MRE11: variants seen among roughly 807,000 people sequenced by gnomAD.
MRE11 encodes the protein MRE11 double strand break repair nuclease, also known as double-strand break repair protein MRE11.
MRE11 carries 62 observed loss-of-function variants against 91.7 expected under a neutral mutation model. The observed-to-expected ratio is 0.68, with a 90% CI of 0.55 to 0.84. The LOEUF is 0.84. Ranked by LOEUF, MRE11 falls within the 40% of genes least tolerant of loss-of-function variation. The probability of loss-of-function intolerance (pLI) is 0.00; values close to 1 mark genes in which losing one functional copy is unlikely to be tolerated. For synonymous variants in MRE11, 273 were observed against 271.4 expected (o/e 1.01, Z -0.06); for missense variants, 796 against 852.9 (o/e 0.93, Z 0.83).
chr11:94,492,789 C>T lies in MRE11; in HGVS notation c.13G>A (p.Asp5Asn). Residue 5 changes from aspartate (D) to asparagine (N), a missense_variant, in exon 2 of 20, where the codon GAT becomes AAT. By Grantham distance (23) the Asp-to-Asn change is conservative. Coordinates refer to ENST00000323929, the MANE Select transcript of MRE11 (RefSeq NM_005591.4). MSTADALDDENTFKI... is the reference protein window; with the variant it reads MSTANALDDENTFKI... ...CAGAAGTCAGGTGCTTACAGTGCAT[C>T]TGCAGTACTCATTTTTATGGTCAGT... 6.2e-7 allele frequency: 1 copy of T among 1,613,962 alleles called. No individual in the cohort carries two copies. Among genetic ancestry groups the T allele is most frequent in the Middle Eastern group, 1.7e-4 (1 of 5,956 alleles).
chr11:94,491,064 T>C (rs1947272586), intron 2 of MRE11, 99 bp from the exon 3 acceptor site: 1 of 785,884 alleles, frequency 1.3e-6, no homozygotes. Flanking sequence ...ATAACAGTTA[T>C]AGAGTAAAAT....
chr11:94,419,219 G>A lies in MRE11; in HGVS notation c.*906C>T, dbSNP rs1360540488. 1 of 232,806 alleles carries A rather than the reference G, an allele frequency of 4.3e-6. No homozygotes were observed. The highest frequency in any genetic ancestry group is 8.5e-6 in the Non-Finnish European group (1 of 117,884). The allele number at this position is 232,806 out of a possible 1,614,324, so 14.4% of individuals were successfully genotyped here. On this transcript the variant is annotated 3_prime_UTR_variant, in exon 20 of 20. Transcript: ENST00000323929. Reference sequence around the variant, plus strand: ...TTGCCCATTCAGAAATGTATCACAGGAACCAAAGTTGAGATAAAATATTGT... The same window carrying A: ...TTGCCCATTCAGAAATGTATCACAGAAACCAAAGTTGAGATAAAATATTGT...
At chr11:94,464,282 T>A (rs754682720) in intron 10 of MRE11, 43 bp from the exon 11 acceptor site, 1 of 1,612,824 alleles carries the variant, frequency 6.2e-7, no homozygotes, top group Non-Finnish European at 8.5e-7. Context: ...AAACAACAAT[T>A]TGCCAATTTT....
the MRE11 span, among the ~76,000 whole-genome samples, chr11:94,502,073 T>C: frequency 6.6e-6 from 1 of 152,216 alleles, no homozygotes; most frequent in African/African-American, 2.4e-5. Context: ...AGCTAACAAC[T>C]GAGTGCTCAC....
chr11:94,501,057 T>C, the MRE11 span, among the ~76,000 whole-genome samples: 1 of 152,214 alleles, frequency 6.6e-6, no homozygotes, highest in Non-Finnish European at 1.5e-5. Context: ...CATAAGATGC[T>C]CCAGTCCATC....
At chr11:94,467,746 C>G in intron 10 of MRE11, 67 bp downstream of exon 10, 5 of 1,369,590 alleles carry the variant, frequency 3.7e-6, no homozygotes, top group Non-Finnish European at 4.1e-6. Context: ...TTCAAAGAAA[C>G]CATGTAAACT....
Position 94,419,468 on chromosome 11 carries a change from GA to G in MRE11, c.*656del. On this transcript the variant is annotated 3_prime_UTR_variant, in exon 20 of 20. Coordinates refer to ENST00000323929, the MANE Select transcript of MRE11 (RefSeq NM_005591.4). ...GAGTGGGGAACGGGGGGGAGAGGGA[GA>G]GAGAGAGAGAGAGAGAGAGAGAGAG... 4.9e-6 allele frequency: 1 copy of G among 205,016 alleles called. No individual in the cohort carries two copies. Among genetic ancestry groups the G allele is most frequent in the African/African-American group, 2.4e-5 (1 of 42,432 alleles). The allele number at this position is 205,016 out of a possible 1,614,324, so 12.7% of individuals were successfully genotyped here.
At chr11:94,431,015 T>TC (rs1945450372) in intron 18 of MRE11, among the ~76,000 whole-genome samples, 1 of 152,196 alleles carries the variant, frequency 6.6e-6, no homozygotes, top group Non-Finnish European at 1.5e-5. Context: ...CCTAAAATAC[T>TC]CCTTATCTGG....
At chr11:94,420,712 AAAAG>A (rs1945147263) in intron 19 of MRE11, among the ~76,000 whole-genome samples, 1 of 152,250 alleles carries the variant, frequency 6.6e-6, no homozygotes, top group Admixed American at 6.5e-5. Context: ...TTTGGATAAA[AAAAG>A]AAATACATGC....
chr11:94,494,205 T>A (rs531527344), upstream of MRE11: 8 of 152,194 alleles, frequency 5.3e-5, no homozygotes, highest in East Asian at 1.6e-3. Flanking sequence ...TCTTGGCTGT[T>A]TGGAAGGCCG....
chr11:94,442,750 A>G (rs2074671252), intron 16 of MRE11, among the ~76,000 whole-genome samples: 2 of 152,248 alleles, frequency 1.3e-5, no homozygotes, highest in African/African-American at 4.8e-5. Flanking sequence ...ATTTCCAATC[A>G]TATCTAAACA....
the MRE11 span, among the ~76,000 whole-genome samples, chr11:94,507,527 T>C: frequency 6.6e-6 from 1 of 152,230 alleles, no homozygotes; most frequent in Admixed American, 6.5e-5. Flanking sequence ...TATTCCACTT[T>C]AGTAAAAACT....
intron 3 of MRE11, among the ~76,000 whole-genome samples, chr11:94,490,404 C>T (rs13447591): frequency 9.7e-4 from 148 of 152,274 alleles, no homozygotes; most frequent in African/African-American, 3.5e-3. Context: ...ATAATCTAAA[C>T]GTGATTTTTT....
intron 14 of MRE11, among the ~76,000 whole-genome samples, chr11:94,448,148 T>C (rs1945993161): frequency 6.6e-6 from 1 of 152,192 alleles, no homozygotes; most frequent in African/African-American, 2.4e-5. Flanking sequence ...CCGTTATCTC[T>C]GGGCACTAAT....
At chr11:94,500,651 G>A in the MRE11 span, among the ~76,000 whole-genome samples, 2 of 152,160 alleles carry the variant, frequency 1.3e-5, no homozygotes, top group African/African-American at 4.8e-5. Flanking sequence ...TTTTGTGACT[G>A]TTCAAGATTC....
Position 94,447,313 on chromosome 11 carries a change from T to C in MRE11, c.1689A>G (p.Ser563=). Residue 563 remains serine, a synonymous_variant, in exon 15 of 20, where the codon TCA becomes TCG. Transcript: ENST00000323929. ...QMANDSDDSI[S]AATNKGRGRG... ...GGCCTCTTCCTTTGTTGGTTGCTGC[T>C]GAGATGCTATCATCAGAGTCATTAG... The C allele has an allele frequency of 6.2e-7, 1 of 1,614,148 alleles. No homozygotes were observed. The highest frequency in any genetic ancestry group is 2.2e-5 in the East Asian group (1 of 44,872).
the MRE11 span, among the ~76,000 whole-genome samples, chr11:94,500,217 G>A: frequency 1.2e-4 from 18 of 152,320 alleles, no homozygotes; most frequent in Non-Finnish European, 2.5e-4. Context: ...AGAATGGATT[G>A]TACCCATGAT....
chr11:94,447,087 T>C (rs1945954237), intron 15 of MRE11, 132 bp downstream of exon 15: 4 of 960,840 alleles, frequency 4.2e-6, no homozygotes, highest in Middle Eastern at 6.3e-4. Context: ...TCTTTATATA[T>C]TATAAAAATA....
At chr11:94,434,546 T>G (rs1945550068) in intron 18 of MRE11, among the ~76,000 whole-genome samples, 1 of 152,156 alleles carries the variant, frequency 6.6e-6, no homozygotes, top group African/African-American at 2.4e-5. Flanking sequence ...GATATAAGGC[T>G]TTTTCCTCAA....
Sources: gnomAD v4.1 joint callset for allele counts (sites outside exome capture counted in the v4.1 genomes callset) on GRCh38, gnomAD v4.1.1 for gene constraint, MANE v1.5 for transcripts, NCBI Gene and HGNC (gene_info 2026-07-23, HGNC 2026-07-21) for gene names.